The following CACNA1C variants were observed in gnomAD, a reference collection of about 807,000 sequenced individuals.
CACNA1C encodes calcium voltage-gated channel subunit alpha1 C.
CACNA1C carries 30 observed loss-of-function variants against 229.0 expected under a neutral mutation model. The observed-to-expected ratio is 0.13, with a 90% confidence interval of 0.10 to 0.18. The LOEUF is 0.18. Ranked by LOEUF, CACNA1C falls within the 10% of genes least tolerant of loss-of-function variation. The probability of loss-of-function intolerance (pLI) is 1.00; values close to 1 mark genes in which losing one functional copy is unlikely to be tolerated. For synonymous variants in CACNA1C, 1,114 were observed against 1,132.5 expected, an observed-to-expected ratio of 0.98 and a Z score of 0.33; for missense variants, 1,658 against 2,845.0, an observed-to-expected ratio of 0.58 and a Z score of 9.49.
At chr12:2,230,228 G>A (rs2064491418) in intron 3 of CACNA1C, among the ~76,000 whole-genome samples, 1 of 152,166 alleles carries the variant, frequency 6.6e-6, no homozygotes, top group Non-Finnish European at 1.5e-5. Context: ...CGGGCCTGGC[G>A]CGTCTAGCTC....
At chr12:2,576,300 C>T (rs891693006) in intron 13 of CACNA1C, among the ~76,000 whole-genome samples, 1 of 152,132 alleles carries the variant, frequency 6.6e-6, no homozygotes, top group Non-Finnish European at 1.5e-5. Context: ...ATGATGGCGA[C>T]GCAGGCAGAG....
rs541850673 is a variant in CACNA1C at position 2,354,406 on chromosome 12, C to G, written c.478-94570C>G. On this transcript the variant is annotated intron_variant, in intron 3 of 46. Coordinates refer to ENST00000399655, the MANE Select transcript of CACNA1C (RefSeq NM_000719.7). This position sits in a 1 kb window ranked among gnomAD's most constrained non-coding sequence, Gnocchi z 4.6. The stretch of plus-strand genomic sequence containing the variant: ...TAAGCCAAATCTTTCTTTAGAGGAG[C>G]GAAAACACAGCTAGCCAGGGCTGCA... 6.6e-6 allele frequency among the ~76,000 whole-genome samples: 1 copy of G among 152,048 alleles called. No homozygotes were observed. The highest frequency in any genetic ancestry group is 1.5e-5 in the Non-Finnish European group (1 of 68,016).
intron 1 of CACNA1C, among the ~76,000 whole-genome samples, chr12:2,061,828 G>A (rs1407933618): frequency 6.6e-6 from 1 of 152,206 alleles, no homozygotes; most frequent in East Asian, 1.9e-4. Flanking sequence ...ACAGGAGGAC[G>A]GGCTGGAAAA....
chr12:2,248,425 C>T (rs2074233938), intron 3 of CACNA1C, among the ~76,000 whole-genome samples: 1 of 152,196 alleles, frequency 6.6e-6, no homozygotes, highest in Non-Finnish European at 1.5e-5. Context: ...GAACCGAGGC[C>T]GCCTCACTGG....
At chr12:2,616,524 C>G (rs943830105) in intron 29 of CACNA1C, among the ~76,000 whole-genome samples, 1 of 152,232 alleles carries the variant, frequency 6.6e-6, no homozygotes, top group Non-Finnish European at 1.5e-5. Flanking sequence ...CCTGCAGACT[C>G]TTTCCCACCC....
chr12:2,248,323 T>G (rs1389018658), intron 3 of CACNA1C, among the ~76,000 whole-genome samples: 1 of 152,124 alleles, frequency 6.6e-6, no homozygotes, highest in Non-Finnish European at 1.5e-5. Flanking sequence ...GGAACCAGAG[T>G]TGGATGCTGG....
chr12:2,251,973 G>A (rs2154386245), intron 3 of CACNA1C, among the ~76,000 whole-genome samples: 1 of 152,280 alleles, frequency 6.6e-6, no homozygotes, highest in East Asian at 1.9e-4. Context: ...TCTGCAGCAG[G>A]CTTAGGCAAA....
chr12:2,397,216 C>G (rs2098599619), intron 3 of CACNA1C, among the ~76,000 whole-genome samples: 1 of 152,256 alleles, frequency 6.6e-6, no homozygotes, highest in Non-Finnish European at 1.5e-5. Context: ...ACTCTGGGGA[C>G]TGTGGAGTGT....
chr12:2,002,031 C>T (rs780578405), intron 1 of CACNA1C, among the ~76,000 whole-genome samples: 2 of 152,202 alleles, frequency 1.3e-5, no homozygotes, highest in Non-Finnish European at 2.9e-5. Context: ...TTCCTGGCAA[C>T]AGGGAGTAGG....
intron 3 of CACNA1C, among the ~76,000 whole-genome samples, chr12:2,405,454 T>C (rs2098726377): frequency 6.6e-6 from 1 of 152,230 alleles, no homozygotes; most frequent in East Asian, 1.9e-4. Context: ...AACTACTTAT[T>C]TGTTCTCCAT....
intron 3 of CACNA1C, among the ~76,000 whole-genome samples, chr12:2,179,782 A>G (rs1452346756): frequency 1.3e-5 from 2 of 152,208 alleles, no homozygotes; most frequent in East Asian, 3.8e-4. Context: ...CAATGGATAT[A>G]TGCTTGCTCC....
chr12:2,090,300 G>T (rs1407262896), intron 1 of CACNA1C, among the ~76,000 whole-genome samples: 1 of 146,708 alleles, frequency 6.8e-6, no homozygotes, highest in Non-Finnish European at 1.5e-5. Flanking sequence ...TCCATTTTAT[G>T]GATAGACTAC....
At chr12:2,434,124 C>T (rs2099112241) in intron 3 of CACNA1C, among the ~76,000 whole-genome samples, 1 of 152,170 alleles carries the variant, frequency 6.6e-6, no homozygotes, top group African/African-American at 2.4e-5. Context: ...CACCCGCTCC[C>T]TCTGTTCCCC....
intron 3 of CACNA1C, among the ~76,000 whole-genome samples, chr12:2,302,450 C>G (rs2094636661): frequency 1.3e-5 from 2 of 152,026 alleles, no homozygotes; most frequent in Admixed American, 1.3e-4. Flanking sequence ...CTTGCCTCGT[C>G]CATACTGCCC....
In CACNA1C at chr12:2,689,487, C is replaced by T. The variant is rs2097699413; in HGVS notation, c.6117+708C>T. ...TGGGATGGGGAAAGGGTGGCAGGCT[C>T]AGCCCACCAGCGGACAGATTTCAGC... On this transcript the variant is annotated intron_variant, in intron 46 of 46. Transcript: ENST00000399655. The surrounding 1 kb of genome is among the most constrained non-coding windows in gnomAD (Gnocchi z 4.2). Among the ~76,000 whole-genome samples, 4 of 152,110 alleles carry T rather than the reference C, an allele frequency of 2.6e-5. No individual in the cohort carries two copies. The highest frequency in any genetic ancestry group is 2.6e-4 in the Admixed American group (4 of 15,272).
In CACNA1C at chr12:2,410,810, T is replaced by TGC. The variant is rs1342647410; in HGVS notation, c.478-38164_478-38163dup. On this transcript the variant is annotated intron_variant, in intron 3 of 46. Coordinates refer to ENST00000399655, the MANE Select transcript of CACNA1C (RefSeq NM_000719.7). This position sits in a 1 kb window ranked among gnomAD's most constrained non-coding sequence, Gnocchi z 5.3. Reference sequence around the variant, plus strand: ...CCCTGTGTGTGTATATGTGTGTGTGTGCGTGTGCATGTGCGTGTGTGTGTT... The same window carrying TGC: ...CCCTGTGTGTGTATATGTGTGTGTGTGCGCGTGTGCATGTGCGTGTGTGTGTT... 6.6e-6 allele frequency among the ~76,000 whole-genome samples: 1 copy of TGC among 151,802 alleles called. No individual in the cohort carries two copies. The highest frequency in any genetic ancestry group is 2.4e-5 in the African/African-American group (1 of 41,300).
At chr12:2,481,979 G>A (rs2099677651) in intron 5 of CACNA1C, among the ~76,000 whole-genome samples, 1 of 152,254 alleles carries the variant, frequency 6.6e-6, no homozygotes, top group Admixed American at 6.5e-5. Flanking sequence ...ACACTTGGGT[G>A]GAGAAATGTC....
In CACNA1C at chr12:2,653,862, G is replaced by T. The variant is rs1234874360; in HGVS notation, c.4102G>T (p.Val1368Leu). 1 of 1,613,762 alleles carries T rather than the reference G, an allele frequency of 6.2e-7. No homozygotes were observed. The highest frequency in any genetic ancestry group is 1.3e-5 in the African/African-American group (1 of 74,892). The change falls in exon 33 of 47, where the codon GTG becomes TTG. Residue 1368 changes from valine (V) to leucine (L), a missense_variant. Transcript: ENST00000399655. The surrounding 1 kb of genome is among the most constrained non-coding windows in gnomAD (Gnocchi z 4.7). ...CCTGCCCTATGTGGCCCTCCTGATC[G>T]TGATGCTGTTCTTCATCTACGCGGT... ...QALPYVALLI[V>L]MLFFIYAVIG...
At position 2,655,758 on chromosome 12, in the gene CACNA1C, A is replaced by G. The variant is rs184550747; in HGVS notation, c.4232+520A>G. ...ATGAGAAAGATGATACATCATGATC[A>G]AGTGGGTTTCATTCCAGGGGTGGTT... is the stretch of plus-strand genomic sequence containing the variant. On this transcript the variant is annotated intron_variant, in intron 34 of 46. Transcript: ENST00000399655. Among the ~76,000 whole-genome samples the G allele has an allele frequency of 1.1e-4, 17 of 152,378 alleles. 1 individual carries two copies. In the East Asian group the frequency reaches 2.5e-3, roughly 22 times the overall value.
Sources: gnomAD v4.1 joint callset for allele counts (sites outside exome capture counted in the v4.1 genomes callset) on GRCh38, gnomAD v4.1.1 for gene constraint, Gnocchi (gnomAD v3.1) non-coding constraint, MANE v1.5 for transcripts, NCBI Gene and HGNC (gene_info 2026-07-23, HGNC 2026-07-21) for gene names.